Variants in ARHGAP32 observed in about 807,000 individuals in gnomAD.
The protein encoded by ARHGAP32 is Rho GTPase activating protein 32.
In ARHGAP32, 51 loss-of-function variants were observed where a neutral mutation model predicts 186.5. The observed-to-expected ratio is 0.27, with a 90% CI of 0.22 to 0.35. ARHGAP32 has a LOEUF of 0.35. Ranked by LOEUF, ARHGAP32 falls within the 10% of genes least tolerant of loss-of-function variation. The pLI, the probability that ARHGAP32 is intolerant of heterozygous loss-of-function variation, is 1.00. For missense variants in ARHGAP32, 2,186 were observed against 2,623.5 expected (o/e 0.83, Z 3.64); for synonymous variants, 950 against 964.3 (o/e 0.99, Z 0.27).
At chr11:129,199,429 G>C (rs1161930553) in intron 1 of ARHGAP32, among the ~76,000 whole-genome samples, 1 of 152,272 alleles carries the variant, frequency 6.6e-6, no homozygotes, top group Admixed American at 6.5e-5. Context: ...GCTGTGTGCA[G>C]CCTAGGGACT....
chr11:129,018,467 T>G (rs143465926), intron 11 of ARHGAP32, among the ~76,000 whole-genome samples: 127 of 152,336 alleles, frequency 8.3e-4, no homozygotes, highest in African/African-American at 3.0e-3. Flanking sequence ...GTGTACTTAG[T>G]ATTTTCAAAT....
chr11:129,103,259 A>G (rs1003659935), intron 5 of ARHGAP32, among the ~76,000 whole-genome samples: 12 of 152,192 alleles, frequency 7.9e-5, no homozygotes, highest in African/African-American at 2.7e-4. Flanking sequence ...AATGCGAAAA[A>G]TGATTTTTTG....
intron 1 of ARHGAP32, among the ~76,000 whole-genome samples, chr11:129,198,172 A>G (rs1944417413): frequency 6.6e-6 from 1 of 152,244 alleles, no homozygotes; most frequent in African/African-American, 2.4e-5. Flanking sequence ...ATATTTCTAT[A>G]AAAAAGTTAA....
chr11:129,069,887 T>TG (rs569142713), intron 6 of ARHGAP32, among the ~76,000 whole-genome samples: 2 of 152,030 alleles, frequency 1.3e-5, no homozygotes, highest in Non-Finnish European at 2.9e-5. Context: ...TTTTGGTGCC[T>TG]GGTGCTTGTA....
chr11:129,098,544 T>A (rs1035499523), intron 5 of ARHGAP32, among the ~76,000 whole-genome samples: 3 of 151,930 alleles, frequency 2.0e-5, no homozygotes, highest in African/African-American at 7.2e-5. Context: ...CTCAACCTCC[T>A]GAATAGCTGG....
intron 10 of ARHGAP32, among the ~76,000 whole-genome samples, chr11:129,058,843 C>T (rs1940374049): frequency 6.6e-6 from 1 of 152,234 alleles, no homozygotes; most frequent in South Asian, 2.1e-4. Context: ...CCATGATTGT[C>T]TTCCTCTCTC....
chr11:128,978,732 A>G, intron 19 of ARHGAP32, 38 bp downstream of exon 19: 1 of 1,573,032 alleles, frequency 6.4e-7, no homozygotes, highest in Non-Finnish European at 8.6e-7. Flanking sequence ...GAAGACCATC[A>G]TGACAGCAGC....
In ARHGAP32 at chr11:128,968,993, T is replaced by A; in HGVS notation, c.6220A>T (p.Thr2074Ser). 1 of 1,609,456 alleles carries A rather than the reference T, an allele frequency of 6.2e-7. No homozygotes were observed. The highest frequency in any genetic ancestry group is 1.8e-4 in the Middle Eastern group (1 of 5,514). Residue 2074 changes from threonine (T) to serine (S), a missense_variant, in exon 23 of 23, where the codon ACC becomes TCC. Physicochemically the swap from Thr to Ser is moderately conservative, Grantham distance 58 (BLOSUM62 1). Transcript: ENST00000682385. ...PPGFPHPQSR[T>S]YATALGQGAF... ...CCTTGACCCAACGCTGTAGCATAGG[T>A]CCTGCTCTGTGGATGGGGAAAGCCA...
At chr11:129,141,411 G>A (rs1456244169) in intron 2 of ARHGAP32, among the ~76,000 whole-genome samples, 1 of 151,988 alleles carries the variant, frequency 6.6e-6, no homozygotes, top group Non-Finnish European at 1.5e-5. Flanking sequence ...TTATAGGTGG[G>A]AATTGAACAA....
At chr11:129,142,744 G>A (rs1031463288) in intron 2 of ARHGAP32, among the ~76,000 whole-genome samples, 10 of 151,388 alleles carry the variant, frequency 6.6e-5, no homozygotes, top group Admixed American at 2.6e-4. Context: ...ACTAAAATAT[G>A]CATGGGGAAA....
At chr11:129,057,701 T>TA (rs34991638) in intron 10 of ARHGAP32, among the ~76,000 whole-genome samples, 5,536 of 130,178 alleles carry the variant, frequency 0.043, 132 homozygotes, top group African/African-American at 0.066. Context: ...TAGCGTTTGA[T>TA]AAAAAAAAAA....
chr11:129,212,688 G>C (rs562276877), intron 1 of ARHGAP32, among the ~76,000 whole-genome samples: 1 of 152,234 alleles, frequency 6.6e-6, no homozygotes, highest in South Asian at 2.1e-4. Flanking sequence ...ATGGCAATTA[G>C]AGCAAGTTAC....
At chr11:129,263,593 A>G (rs1276297233) in intron 1 of ARHGAP32, among the ~76,000 whole-genome samples, 13 of 122,252 alleles carry the variant, frequency 1.1e-4, no homozygotes, top group African/African-American at 1.8e-4. Flanking sequence ...AGAGGAGGAG[A>G]AGGAGGAGGA....
At chr11:129,049,608 T>C (rs948755674) in intron 10 of ARHGAP32, among the ~76,000 whole-genome samples, 14 of 152,232 alleles carry the variant, frequency 9.2e-5, no homozygotes, top group Non-Finnish European at 1.9e-4. Context: ...CCATTTTCTA[T>C]AATTTTACAT....
intron 10 of ARHGAP32, among the ~76,000 whole-genome samples, chr11:129,044,814 GA>G (rs1939742132): frequency 6.6e-6 from 1 of 151,694 alleles, no homozygotes; most frequent in Non-Finnish European, 1.5e-5. Context: ...TAACGTTAGG[GA>G]TAACACTACC....
At chr11:129,108,491 T>C (rs1346257443) in intron 5 of ARHGAP32, among the ~76,000 whole-genome samples, 2 of 151,976 alleles carry the variant, frequency 1.3e-5, no homozygotes, top group Non-Finnish European at 2.9e-5. Context: ...AAAGCAAACA[T>C]GACAGAAGTG....
At chr11:129,232,870 C>G (rs552529053) in intron 1 of ARHGAP32, among the ~76,000 whole-genome samples, 1 of 152,280 alleles carries the variant, frequency 6.6e-6, no homozygotes, top group Non-Finnish European at 1.5e-5. Context: ...CTTTCCGCTA[C>G]CAGCCTGAGA....
At chr11:129,146,656 C>T (rs1943173021) in intron 2 of ARHGAP32, among the ~76,000 whole-genome samples, 1 of 151,804 alleles carries the variant, frequency 6.6e-6, no homozygotes, top group Non-Finnish European at 1.5e-5. Context: ...AGTACATAAC[C>T]ATAAATTACA....
At chr11:129,261,986 G>A (rs530832310) in intron 1 of ARHGAP32, among the ~76,000 whole-genome samples, 32 of 152,252 alleles carry the variant, frequency 2.1e-4, no homozygotes, top group African/African-American at 7.5e-4. Context: ...AACACCAAAT[G>A]ACACATGAAG....
Sources: gnomAD v4.1 joint callset for allele counts (sites outside exome capture counted in the v4.1 genomes callset) on GRCh38, gnomAD v4.1.1 for gene constraint, MANE v1.5 for transcripts, NCBI Gene and HGNC (gene_info 2026-07-23, HGNC 2026-07-21) for gene names.